Variants in DOK6 observed in about 807,000 individuals in gnomAD.
DOK6 encodes downstream of tyrosine kinase 6.
A neutral mutation model predicts 44.0 loss-of-function variants in DOK6; 22 were observed. The observed-to-expected ratio is 0.50, with a 90% CI of 0.36 to 0.71. The LOEUF (loss-of-function observed/expected upper bound fraction) is 0.71, where lower values mean the gene tolerates loss of function less well. Ranked by LOEUF, DOK6 falls within the 30% of genes least tolerant of loss-of-function variation. DOK6 has a pLI of 0.00. For missense variants in DOK6, 340 were observed against 416.4 expected (o/e 0.82, Z 1.60); for synonymous variants, 166 against 145.5 (o/e 1.14, Z -1.01).
intron 3 of DOK6, among the ~76,000 whole-genome samples, chr18:69,620,125 A>G (rs1037684963): frequency 6.6e-6 from 1 of 152,086 alleles, no homozygotes; most frequent in Admixed American, 6.6e-5. Context: ...AATTATATCA[A>G]TCCCTAAAAT....
chr18:69,417,858 T>G (rs112230825), intron 1 of DOK6, among the ~76,000 whole-genome samples: 8,151 of 152,300 alleles, frequency 0.054, 252 homozygotes, highest in Middle Eastern at 0.12. Flanking sequence ...TGGCTTCTTT[T>G]AAGAAATGTC....
At chr18:69,805,735 T>C (rs1981034849) in intron 7 of DOK6, among the ~76,000 whole-genome samples, 1 of 152,104 alleles carries the variant, frequency 6.6e-6, no homozygotes, top group African/African-American at 2.4e-5. Flanking sequence ...TATGATAATG[T>C]TTGAGAACTG....
chr18:69,779,765 G>A (rs969436477), intron 7 of DOK6, among the ~76,000 whole-genome samples: 5 of 151,254 alleles, frequency 3.3e-5, no homozygotes, highest in Non-Finnish European at 7.4e-5. Flanking sequence ...CTGTATCATA[G>A]TCCATTCAAC....
chr18:69,766,753 C>T (rs568385287), intron 7 of DOK6, among the ~76,000 whole-genome samples: 22 of 152,202 alleles, frequency 1.4e-4, no homozygotes, highest in African/African-American at 3.6e-4. Context: ...TGAACCCATG[C>T]GGTCCATACT....
chr18:69,585,799 A>C (rs1425103731), intron 2 of DOK6, among the ~76,000 whole-genome samples: 2 of 152,210 alleles, frequency 1.3e-5, no homozygotes, highest in African/African-American at 4.8e-5. Context: ...AGACTGATAC[A>C]ATGTCATCAC....
chr18:69,648,297 A>G (rs1985135677), intron 3 of DOK6, among the ~76,000 whole-genome samples: 1 of 152,190 alleles, frequency 6.6e-6, no homozygotes, highest in Non-Finnish European at 1.5e-5. Flanking sequence ...GGTACAAACC[A>G]AGGTTACAGT....
At position 69,842,868 on chromosome 18, in the gene DOK6, T is replaced by C. The variant is rs534620124; in HGVS notation, c.*1485T>C. The C allele has an allele frequency of 6.6e-6, 1 of 152,284 alleles. No individual in the cohort carries two copies. Among genetic ancestry groups the C allele is most frequent in the African/African-American group, 2.4e-5 (1 of 41,550 alleles). The allele number at this position is 152,284 out of a possible 1,614,324, so 9.4% of individuals were successfully genotyped here. On this transcript the variant is annotated 3_prime_UTR_variant, in exon 8 of 8. Coordinates refer to ENST00000382713, the MANE Select transcript of DOK6 (RefSeq NM_152721.6). ...AGGGTGGGTTTAAAGAACAGTGAGC[T>C]CAGGTCACGCAAGATGAAAACCCAG... is the stretch of plus-strand genomic sequence containing the variant.
chr18:69,645,302 C>T (rs544694633), intron 3 of DOK6, among the ~76,000 whole-genome samples: 26 of 152,302 alleles, frequency 1.7e-4, no homozygotes, highest in East Asian at 9.6e-4. Context: ...CTGACAACCA[C>T]GAACCTGTTT....
chr18:69,409,725 A>T (rs1978298444), intron 1 of DOK6, among the ~76,000 whole-genome samples: 1 of 152,236 alleles, frequency 6.6e-6, no homozygotes, highest in Non-Finnish European at 1.5e-5. Context: ...CCAAAACTAT[A>T]AAAACTATAA....
chr18:69,529,552 A>G (rs1234662527), intron 1 of DOK6, among the ~76,000 whole-genome samples: 1 of 152,202 alleles, frequency 6.6e-6, no homozygotes, highest in Non-Finnish European at 1.5e-5. Context: ...CTGCTATGTA[A>G]AAGAGTAATT....
At chr18:69,738,053 T>C (rs997493996) in intron 5 of DOK6, among the ~76,000 whole-genome samples, 1 of 152,186 alleles carries the variant, frequency 6.6e-6, no homozygotes, top group East Asian at 1.9e-4. Context: ...TTTATTAAGA[T>C]CTCTTTCAGA....
At chr18:69,754,725 C>T (rs562779634) in intron 6 of DOK6, among the ~76,000 whole-genome samples, 1 of 152,256 alleles carries the variant, frequency 6.6e-6, no homozygotes, top group African/African-American at 2.4e-5. Context: ...AATATTTATC[C>T]CTGTGTCTCT....
At chr18:69,548,264 T>A (rs923995972) in intron 1 of DOK6, among the ~76,000 whole-genome samples, 1 of 151,522 alleles carries the variant, frequency 6.6e-6, no homozygotes, top group Non-Finnish European at 1.5e-5. Context: ...CATATATATA[T>A]TTTTTTAATC....
At chr18:69,481,152 T>A (rs1980407960) in intron 1 of DOK6, among the ~76,000 whole-genome samples, 1 of 152,110 alleles carries the variant, frequency 6.6e-6, no homozygotes, top group East Asian at 1.9e-4. Flanking sequence ...CTCGTTCACA[T>A]CCCTTGAGGT....
chr18:69,597,189 A>G (rs747875913), intron 2 of DOK6, among the ~76,000 whole-genome samples: 1 of 152,168 alleles, frequency 6.6e-6, no homozygotes, highest in Non-Finnish European at 1.5e-5. Flanking sequence ...TGAGATTTCT[A>G]TATTTCACTG....
chr18:69,724,980 C>G (rs1978298852), intron 5 of DOK6: 2 of 152,210 alleles, frequency 1.3e-5, no homozygotes, highest in Admixed American at 6.5e-5. Context: ...TTCTAAATAT[C>G]TGAAATTACC....
intron 1 of DOK6, among the ~76,000 whole-genome samples, chr18:69,470,564 C>A (rs537948596): frequency 6.6e-6 from 1 of 152,104 alleles, no homozygotes; most frequent in Admixed American, 6.5e-5. Flanking sequence ...CACTGCCCAT[C>A]CCACCCCAGG....
intron 1 of DOK6, among the ~76,000 whole-genome samples, chr18:69,407,849 T>C (rs1978291501): frequency 6.6e-6 from 1 of 152,202 alleles, no homozygotes; most frequent in South Asian, 2.1e-4. Flanking sequence ...TATTTTTGGC[T>C]TAACAGTAAA....
intron 7 of DOK6, among the ~76,000 whole-genome samples, chr18:69,839,434 G>A (rs1043658709): frequency 1.6e-4 from 24 of 145,836 alleles, no homozygotes; most frequent in Admixed American, 1.0e-3. Flanking sequence ...CCCTGGTTCC[G>A]CCCCTAACTC....
Sources: allele counts gnomAD v4.1 joint callset (sites outside exome capture counted in the v4.1 genomes callset), GRCh38; gene constraint gnomAD v4.1.1; transcripts MANE v1.5; gene names NCBI Gene and HGNC (gene_info 2026-07-23, HGNC 2026-07-21).